Variants in PRKAG2 observed in about 807,000 individuals in gnomAD.
PRKAG2 encodes 5'-AMP-activated protein kinase subunit gamma-2.
PRKAG2 carries 26 observed loss-of-function variants against 69.6 expected under a neutral mutation model. The observed-to-expected ratio is 0.37, with a 90% CI of 0.27 to 0.52. The LOEUF is 0.52. Among genes scored for constraint, PRKAG2 ranks in the 20% least tolerant of loss-of-function variants. The pLI is 0.90. For synonymous variants in PRKAG2, 293 were observed against 285.0 expected (o/e 1.03, Z -0.28); for missense variants, 557 against 740.0 (o/e 0.75, Z 2.87).
At chr7:151,733,568 C>T (rs1055910210) in intron 3 of PRKAG2, among the ~76,000 whole-genome samples, 4 of 152,142 alleles carry the variant, frequency 2.6e-5, no homozygotes, top group Admixed American at 2.6e-4. Flanking sequence ...TTTAATTCTA[C>T]AGTAGATAAG....
chr7:151,840,463 T>C lies in PRKAG2; in HGVS notation c.114+36044A>G, dbSNP rs144484801. On this transcript the variant is annotated intron_variant, in intron 1 of 15. Coordinates refer to ENST00000287878, the MANE Select transcript of PRKAG2 (RefSeq NM_016203.4). Reference sequence around the variant, plus strand: ...GCTGGGTGGGGCAATCATAGCTCACTGCAGCCTCAACTTCCTGGCCTCAAT... The same window carrying C: ...GCTGGGTGGGGCAATCATAGCTCACCGCAGCCTCAACTTCCTGGCCTCAAT... Among the ~76,000 whole-genome samples, 1,242 of 152,328 alleles carry C rather than the reference T, an allele frequency of 8.2e-3. 13 individuals are homozygous for C. The highest frequency in any genetic ancestry group is 0.012 in the Admixed American group (185 of 15,298).
At chr7:151,580,223 T>A (rs1339133026) in intron 6 of PRKAG2, among the ~76,000 whole-genome samples, 3 of 152,160 alleles carry the variant, frequency 2.0e-5, no homozygotes, top group Non-Finnish European at 4.4e-5. Flanking sequence ...GGTGCGCACC[T>A]GTGATCCCAG....
chr7:151,852,354 G>T (rs1447240985), intron 1 of PRKAG2, among the ~76,000 whole-genome samples: 1 of 152,114 alleles, frequency 6.6e-6, no homozygotes, highest in Non-Finnish European at 1.5e-5. Context: ...AATTAACCGG[G>T]CATGGTAGCA....
At chr7:151,702,167 T>C (rs1344858874) in intron 3 of PRKAG2, among the ~76,000 whole-genome samples, 8 of 152,178 alleles carry the variant, frequency 5.3e-5, no homozygotes, top group African/African-American at 1.7e-4. Flanking sequence ...GGGAGTTCGA[T>C]TGGAGGGTGG....
chr7:151,819,445 A>G (rs1179192147), intron 1 of PRKAG2, among the ~76,000 whole-genome samples: 4 of 152,170 alleles, frequency 2.6e-5, no homozygotes, highest in African/African-American at 9.7e-5. Flanking sequence ...CAGTCGCTAG[A>G]GACTGCCAAT....
At chr7:151,625,802 C>G (rs529758912) in intron 5 of PRKAG2, among the ~76,000 whole-genome samples, 9 of 152,164 alleles carry the variant, frequency 5.9e-5, no homozygotes, top group South Asian at 2.1e-4. Context: ...GAGATGGGCA[C>G]AGAGAGATCA....
chr7:151,767,290 G>A (rs547796405), intron 3 of PRKAG2, among the ~76,000 whole-genome samples: 4 of 152,172 alleles, frequency 2.6e-5, no homozygotes, highest in Non-Finnish European at 4.4e-5. Context: ...ATAAACTCCC[G>A]TTTTGTTTTA....
intron 3 of PRKAG2, chr7:151,735,983 A>G: frequency 6.5e-7 from 1 of 1,536,272 alleles, no homozygotes; most frequent in Non-Finnish European, 8.7e-7. Flanking sequence ...GAGGCTCCCA[A>G]AGCGCTTCAT....
chr7:151,853,380 GTA>G (rs1307201855), intron 1 of PRKAG2, among the ~76,000 whole-genome samples: 2 of 152,148 alleles, frequency 1.3e-5, no homozygotes, highest in Non-Finnish European at 2.9e-5. Flanking sequence ...AATAATTTAC[GTA>G]TATGTTTTTC....
chr7:151,752,769 G>A (rs924862641), intron 3 of PRKAG2, among the ~76,000 whole-genome samples: 3 of 152,214 alleles, frequency 2.0e-5, no homozygotes, highest in African/African-American at 7.2e-5. Context: ...ATTCAGGCAA[G>A]AAATACATAT....
chr7:151,702,075 G>A (rs571595966), intron 3 of PRKAG2, among the ~76,000 whole-genome samples: 1 of 152,156 alleles, frequency 6.6e-6, no homozygotes, highest in Non-Finnish European at 1.5e-5. Context: ...TGCACTGTCC[G>A]TATTTCCAAT....
At chr7:151,847,579 TC>T (rs2079464471) in intron 1 of PRKAG2, among the ~76,000 whole-genome samples, 1 of 152,112 alleles carries the variant, frequency 6.6e-6, no homozygotes, top group Non-Finnish European at 1.5e-5. Context: ...CCATCACTCA[TC>T]CTGGGGCACT....
At chr7:151,591,596 G>C (rs1280254069) in intron 6 of PRKAG2, among the ~76,000 whole-genome samples, 1 of 152,196 alleles carries the variant, frequency 6.6e-6, no homozygotes, top group Non-Finnish European at 1.5e-5. Flanking sequence ...CAACCACCAG[G>C]CAGGTGTTTT....
chr7:151,809,559 G>C (rs1472718706), intron 1 of PRKAG2: 2 of 225,386 alleles, frequency 8.9e-6, no homozygotes, highest in Non-Finnish European at 1.8e-5. Context: ...GATACCTCCA[G>C]GTTCCCTGCC....
At chr7:151,674,354 C>G (rs1455597203) in intron 4 of PRKAG2, among the ~76,000 whole-genome samples, 1 of 152,188 alleles carries the variant, frequency 6.6e-6, no homozygotes, top group African/African-American at 2.4e-5. Flanking sequence ...CAGTACATTT[C>G]TATTGTTTTA....
intron 1 of PRKAG2, among the ~76,000 whole-genome samples, chr7:151,859,972 A>G (rs1274230062): frequency 2.0e-5 from 3 of 152,158 alleles, no homozygotes; most frequent in Admixed American, 2.0e-4. Context: ...CTTCTGATGT[A>G]GTCCAAGATT....
intron 3 of PRKAG2, among the ~76,000 whole-genome samples, chr7:151,779,486 T>C (rs1021699131): frequency 6.6e-6 from 1 of 152,226 alleles, no homozygotes; most frequent in African/African-American, 2.4e-5. Flanking sequence ...TGATGGTTCC[T>C]GCCAGAGCTT....
intron 1 of PRKAG2, among the ~76,000 whole-genome samples, chr7:151,818,259 A>C (rs916123562): frequency 2.0e-5 from 3 of 152,230 alleles, no homozygotes; most frequent in Non-Finnish European, 4.4e-5. Flanking sequence ...CTAGAAAACT[A>C]GACATGCATG....
At chr7:151,784,419 C>G (rs1229393110) in intron 2 of PRKAG2, among the ~76,000 whole-genome samples, 1 of 152,136 alleles carries the variant, frequency 6.6e-6, no homozygotes, top group African/African-American at 2.4e-5. Flanking sequence ...CCCACAAGGC[C>G]GAAGCACCAT....
Sources: gnomAD v4.1 joint callset for allele counts (sites outside exome capture counted in the v4.1 genomes callset) on GRCh38, gnomAD v4.1.1 for gene constraint, MANE v1.5 for transcripts, NCBI Gene and HGNC (gene_info 2026-07-23, HGNC 2026-07-21) for gene names.